The following F5 variants were observed in gnomAD, a reference collection of about 807,000 sequenced individuals.
F5 encodes coagulation factor V.
In F5, 138 loss-of-function variants were observed where a neutral mutation model predicts 216.4. The ratio of observed to expected loss-of-function variants is 0.64; its 90% CI spans 0.56 to 0.73. The LOEUF (loss-of-function observed/expected upper bound fraction) is 0.73. F5 is among the 30% of genes least tolerant of loss of function. F5 has a pLI of 0.00. For missense variants in F5, 2,403 were observed against 2,674.0 expected (o/e 0.90, Z 2.24); for synonymous variants, 916 against 930.7 (o/e 0.98, Z 0.29).
In F5 at chr1:169,552,747, TA is replaced by T. The variant is rs752714857; in HGVS notation, c.1119-14del. The T allele has an allele frequency of 7.7e-5, 122 of 1,589,664 alleles. No individual in the cohort carries two copies. The highest frequency in any genetic ancestry group is 9.3e-5 in the Non-Finnish European group (108 of 1,161,368). Reference sequence around the variant, plus strand: ...AGACCTGTATTTTCTTAAAGTGAAGTAAAAAAAAATTAAACCACTTTCTCAA... The same window carrying T: ...AGACCTGTATTTTCTTAAAGTGAAGTAAAAAAAATTAAACCACTTTCTCAA... On this transcript the variant is annotated splice_polypyrimidine_tract_variant and intron_variant, in intron 7 of 24. Transcript: ENST00000367797.
chr1:169,549,753 A>C (rs780639864), intron 10 of F5, 48 bp downstream of exon 10: 2 of 1,429,894 alleles, frequency 1.4e-6, no homozygotes, highest in Admixed American at 3.5e-5. Flanking sequence ...TGTTCTAGCC[A>C]GAAGAAATTC....
At chr1:169,525,503 C>T (rs1659425502) in intron 18 of F5, among the ~76,000 whole-genome samples, 1 of 152,112 alleles carries the variant, frequency 6.6e-6, no homozygotes, top group Non-Finnish European at 1.5e-5. Context: ...TTAGTAATGG[C>T]TTAAAGAATG....
At chr1:169,525,024 C>G (rs1026055276) in intron 18 of F5, 116 bp from the exon 19 acceptor site, 6 of 811,008 alleles carry the variant, frequency 7.4e-6, no homozygotes, top group Non-Finnish European at 1.0e-5. Flanking sequence ...TTTTACCTAC[C>G]TTGTGTGGCC....
chr1:169,519,587 A>T (rs572177327), intron 22 of F5, among the ~76,000 whole-genome samples: 1 of 152,296 alleles, frequency 6.6e-6, no homozygotes, highest in African/African-American at 2.4e-5. Context: ...TATCTGCTTC[A>T]ACAGGAAACT....
Position 169,530,899 on chromosome 1 carries a change from C to CTG in F5, c.5094_5095insCA (p.Ala1699GlnfsTer37). ...GTATAACTGCTATTTGGCTGAACAG[C>CTG]ATTATCTTCCTTAAACCATTCAGGA... On this transcript the variant is annotated frameshift_variant, in exon 15 of 25. Coordinates refer to ENST00000367797, the MANE Select transcript of F5 (RefSeq NM_000130.5). LOFTEE classifies it high-confidence loss of function. 1 of 1,613,948 alleles carries CTG rather than the reference C, an allele frequency of 6.2e-7. No individual in the cohort carries two copies. The highest frequency in any genetic ancestry group is 1.3e-5 in the African/African-American group (1 of 75,032).
intron 10 of F5, among the ~76,000 whole-genome samples, chr1:169,547,750 A>G (rs1660048939): frequency 6.6e-6 from 1 of 152,212 alleles, no homozygotes; most frequent in Non-Finnish European, 1.5e-5. Flanking sequence ...TGGGAGTGTA[A>G]ATTAGTTCAA....
rs1460508849 is a variant in F5, at chr1:169,567,393, T to A, written c.373+4828A>T. ...AAACTTAAAGTATAATAAAAAAAAA[T>A]CTCCCAAAGGCCCCACCTGCTAATG... On this transcript the variant is annotated intron_variant, in intron 3 of 24. Coordinates refer to ENST00000367797, the MANE Select transcript of F5 (RefSeq NM_000130.5). Among the ~76,000 whole-genome samples the A allele has an allele frequency of 3.0e-5, 4 of 134,294 alleles. No individual in the cohort carries two copies. In the Admixed American group the frequency reaches 3.0e-4, roughly 10 times the overall value. 88.1% of individuals were successfully genotyped at this position (134,294 alleles called of 152,430 possible). A position where few individuals can be genotyped will look rare whatever the true frequency, so the allele number is the denominator to read the frequency against.
intron 3 of F5, among the ~76,000 whole-genome samples, chr1:169,563,463 G>A (rs764051004): frequency 1.3e-5 from 2 of 152,112 alleles, no homozygotes; most frequent in South Asian, 4.1e-4. Flanking sequence ...TAGATCACTT[G>A]ATATGGTCCC....
At chr1:169,568,919 T>A (rs1660666779) in intron 3 of F5, among the ~76,000 whole-genome samples, 1 of 152,074 alleles carries the variant, frequency 6.6e-6, no homozygotes, top group African/African-American at 2.4e-5. Context: ...TCTCCTAAGT[T>A]AATAAACTTA....
At chr1:169,562,029 T>C (rs994409198) in intron 3 of F5, among the ~76,000 whole-genome samples, 1 of 151,956 alleles carries the variant, frequency 6.6e-6, no homozygotes, top group African/African-American at 2.4e-5. Context: ...CTTCCTTTCA[T>C]TATCCTCATT....
At chr1:169,515,400 C>G in intron 24 of F5, 44 bp downstream of exon 24, 1 of 1,603,042 alleles carries the variant, frequency 6.2e-7, no homozygotes, top group Admixed American at 1.7e-5. Context: ...CTCATTATAG[C>G]ACAGTCTTCA....
intron 7 of F5, among the ~76,000 whole-genome samples, chr1:169,553,886 T>G (rs1450188256): frequency 6.6e-6 from 1 of 152,254 alleles, no homozygotes; most frequent in Non-Finnish European, 1.5e-5. Flanking sequence ...GAAGACAGTA[T>G]GGCAGTTCCT....
At chr1:169,528,295 T>C (rs1659506135) in intron 16 of F5, among the ~76,000 whole-genome samples, 1 of 152,196 alleles carries the variant, frequency 6.6e-6, no homozygotes, top group Non-Finnish European at 1.5e-5. Flanking sequence ...TCTCATATCA[T>C]TCACACCAGC....
chr1:169,569,896 A>G (rs1557930273), intron 3 of F5, among the ~76,000 whole-genome samples: 1 of 152,010 alleles, frequency 6.6e-6, no homozygotes, highest in Non-Finnish European at 1.5e-5. Context: ...CCCACTCCCA[A>G]AAAAATAGCT....
intron 2 of F5, among the ~76,000 whole-genome samples, chr1:169,580,314 A>C (rs1660959125): frequency 6.6e-6 from 1 of 151,760 alleles, no homozygotes; most frequent in Non-Finnish European, 1.5e-5. Flanking sequence ...ATCAAGGTCC[A>C]TGTCTTATTC....
In F5 at chr1:169,556,725, A is replaced by G; in HGVS notation, c.873T>C (p.Ala291=). 6.2e-7 allele frequency: 1 copy of G among 1,614,126 alleles called. No individual in the cohort carries two copies. The highest frequency in any genetic ancestry group is 2.2e-5 in the East Asian group (1 of 44,880). The change falls in exon 6 of 25, where the codon GCT becomes GCC. Residue 291 remains alanine, a synonymous_variant. Coordinates refer to ENST00000367797, the MANE Select transcript of F5 (RefSeq NM_000130.5). ...CAGTCATATTTGCGGTAGTGGATGT[A>G]GCACTGACAAGGGTGATGGCTGAGA... is the stretch of plus-strand genomic sequence containing the variant. ...HKVSAITLVS[A]TSTTANMTVG... is the part of the protein sequence containing the mutation.
rs77136555 is a variant in F5, at chr1:169,520,881, T to G, written c.6049-217A>C. The stretch of plus-strand genomic sequence containing the variant: ...CTCCTGCTAAGTACAACTAAAAACT[T>G]TGGACATTATAGCTCAGAGAAACAT... On this transcript the variant is annotated intron_variant, in intron 21 of 24. Coordinates refer to ENST00000367797, the MANE Select transcript of F5 (RefSeq NM_000130.5). 6.6e-3 allele frequency among the ~76,000 whole-genome samples: 1,011 copies of G among 152,186 alleles called. 7 individuals carry two copies. Among genetic ancestry groups the G allele is most frequent in the African/African-American group, 0.023 (969 of 41,508 alleles).
chr1:169,529,135 A>G (rs998416134), intron 16 of F5, among the ~76,000 whole-genome samples: 1 of 152,028 alleles, frequency 6.6e-6, no homozygotes, highest in African/African-American at 2.4e-5. Context: ...TTCTTATCTC[A>G]TTTTGTTCTC....
intron 16 of F5, 117 bp from the exon 17 acceptor site, chr1:169,528,211 A>G: frequency 7.8e-7 from 1 of 1,278,656 alleles, no homozygotes; most frequent in Non-Finnish European, 1.1e-6. Flanking sequence ...CTGCATTCCC[A>G]GGCCTACCTA....
Sources: allele counts gnomAD v4.1 joint callset (sites outside exome capture counted in the v4.1 genomes callset), GRCh38; gene constraint gnomAD v4.1.1; transcripts MANE v1.5; gene names NCBI Gene and HGNC (gene_info 2026-07-23, HGNC 2026-07-21).